MTOR: variants seen among roughly 807,000 people sequenced by gnomAD.
MTOR encodes mechanistic target of rapamycin kinase, also known as serine/threonine-protein kinase mTOR.
MTOR carries 70 observed loss-of-function variants against 319.8 expected under a neutral mutation model. That is an observed-to-expected ratio of 0.22 (90% CI 0.18 to 0.27). MTOR has a LOEUF of 0.27. MTOR is among the 10% of genes least tolerant of loss of function. The pLI, the probability that MTOR is intolerant of heterozygous loss-of-function variation, is 1.00. For missense variants in MTOR, 1,890 were observed against 3,274.4 expected, an observed-to-expected ratio of 0.58 and a Z score of 10.32; for synonymous variants, 1,183 against 1,211.4, an observed-to-expected ratio of 0.98 and a Z score of 0.49.
intron 28 of MTOR, chr1:11,195,901 T>G (rs1043341108): frequency 6.6e-6 from 1 of 152,256 alleles, no homozygotes; most frequent in Admixed American, 6.5e-5. Flanking sequence ...GCATCTCACT[T>G]TGTAAAAATA....
In MTOR at chr1:11,202,076, GAT is replaced by G. The variant is rs1259191653; in HGVS notation, c.3945-2375_3945-2374del. ...CTGTCTCAGCCTCCTAGAGTGCTGA[GAT>G]TATAGGCAGGAGCCACAATGCCCAG... On this transcript the variant is annotated intron_variant, in intron 26 of 57. Transcript: ENST00000361445. Among the ~76,000 whole-genome samples the G allele has an allele frequency of 5.9e-5, 9 of 152,314 alleles. No homozygotes were observed. In the South Asian group the frequency reaches 1.9e-3, roughly 32 times the overall value.
chr1:11,228,252 G>C (rs556275604), intron 19 of MTOR, among the ~76,000 whole-genome samples: 1 of 151,728 alleles, frequency 6.6e-6, no homozygotes, highest in Non-Finnish European at 1.5e-5. Flanking sequence ...ACGGTGGCTC[G>C]ATCTCAGCTC....
chr1:11,114,960 C>G lies in MTOR; in HGVS notation c.7090-73G>C, dbSNP rs1553171241. On this transcript the variant is annotated intron_variant, in intron 51 of 57. Transcript: ENST00000361445. ...ACCTGGAGCCAGGTGGAGCAGGTGG[C>G]TTTCCTCTGCATCACCTGCACTGAT... 79 of 1,305,960 alleles carry G rather than the reference C, an allele frequency of 6.0e-5. No individual in the cohort carries two copies. The South Asian group carries it at 9.0e-4, about 15-fold the overall frequency. 80.9% of individuals were successfully genotyped at this position (1,305,960 alleles called of 1,614,324 possible).
intron 29 of MTOR, among the ~76,000 whole-genome samples, chr1:11,163,444 C>G (rs1188714936): frequency 6.6e-6 from 1 of 152,236 alleles, no homozygotes; most frequent in African/African-American, 2.4e-5. Flanking sequence ...TAATACACAT[C>G]TACAGAACTC....
intron 9 of MTOR, 21 bp from the exon 10 acceptor site, chr1:11,241,702 GC>G: frequency 6.2e-7 from 1 of 1,602,242 alleles, no homozygotes; most frequent in Non-Finnish European, 8.5e-7. Context: ...ATGGAGAGTG[GC>G]TAGTTGAGAC....
Position 11,180,870 on chromosome 1 carries a change from G to A in MTOR, c.4254-13353C>T, listed in dbSNP as rs574284956. ...CGGCTCACTGCAACCTCTACCTCCC[G>A]AGTTCAAGCAATTCTCTGGCCTCAG... is the stretch of plus-strand genomic sequence containing the variant. On this transcript the variant is annotated intron_variant, in intron 28 of 57. Coordinates refer to ENST00000361445, the MANE Select transcript of MTOR (RefSeq NM_004958.4). Among the ~76,000 whole-genome samples the A allele has an allele frequency of 7.9e-5, 12 of 150,962 alleles. No homozygotes were observed. The South Asian group carries it at 1.1e-3, about 13-fold the overall frequency.
At chr1:11,161,313 C>T (rs1369727372) in intron 29 of MTOR, among the ~76,000 whole-genome samples, 1 of 152,218 alleles carries the variant, frequency 6.6e-6, no homozygotes, top group Non-Finnish European at 1.5e-5. Context: ...GAGCCCACCA[C>T]AGCTCAAGGA....
intron 34 of MTOR, among the ~76,000 whole-genome samples, chr1:11,141,758 G>A (rs1053787490): frequency 6.7e-6 from 1 of 149,936 alleles, no homozygotes; most frequent in Non-Finnish European, 1.5e-5. Flanking sequence ...AGGCTGAGGT[G>A]GGGGGATCAC....
rs1029028332 is a variant in MTOR at position 11,108,571 on chromosome 1, A to T, written c.7529-285T>A. ...TTTACTAAAAATACAAAATTAGCCG[A>T]GTGTGGTGGCACATGCCTGTAGTCC... On this transcript the variant is annotated intron_variant, in intron 56 of 57. Transcript: ENST00000361445. Among the ~76,000 whole-genome samples, 3 of 151,590 alleles carry T rather than the reference A, an allele frequency of 2.0e-5. No individual in the cohort carries two copies. The East Asian group carries it at 5.8e-4, about 29-fold the overall frequency.
chr1:11,238,090 C>T (rs1647452765), intron 12 of MTOR, 42 bp from the exon 13 acceptor site: 2 of 1,594,374 alleles, frequency 1.3e-6, no homozygotes, highest in African/African-American at 1.3e-5. Context: ...CTCATGATCC[C>T]ATCACTCCAG....
chr1:11,252,872 G>GT (rs1476401397), intron 6 of MTOR, among the ~76,000 whole-genome samples: 2 of 152,110 alleles, frequency 1.3e-5, no homozygotes, highest in African/African-American at 2.4e-5. Flanking sequence ...CCAGACTACC[G>GT]TAATAGCTTC....
At chr1:11,236,186 G>C (rs1480276795) in intron 13 of MTOR, among the ~76,000 whole-genome samples, 6 of 149,830 alleles carry the variant, frequency 4.0e-5, no homozygotes, top group Admixed American at 1.3e-4. Context: ...ACCCAGGCTG[G>C]AGTGCAGTGG....
Position 11,128,333 on chromosome 1 carries a change from C to T in MTOR, c.5910+121G>A. ...TGGGACGGCTGGCTGGACAGACCCTCCTGGGCCAGGATGGAACACATGGCT... is the reference window on the plus strand; with the variant it reads ...TGGGACGGCTGGCTGGACAGACCCTTCTGGGCCAGGATGGAACACATGGCT... On this transcript the variant is annotated intron_variant, in intron 42 of 57. Coordinates refer to ENST00000361445, the MANE Select transcript of MTOR (RefSeq NM_004958.4). The surrounding 1 kb of genome is among the most constrained non-coding windows in gnomAD (Gnocchi z 5.3). 1.6e-6 allele frequency: 2 copies of T among 1,267,394 alleles called. No individual in the cohort carries two copies. The highest frequency in any genetic ancestry group is 2.2e-6 in the Non-Finnish European group (2 of 895,058). 78.5% of individuals were successfully genotyped at this position (1,267,394 alleles called of 1,614,324 possible). A position where few individuals can be genotyped will look rare whatever the true frequency, so the allele number is the denominator to read the frequency against.
chr1:11,250,069 C>T lies in MTOR; in HGVS notation c.841-1975G>A, dbSNP rs561133783. 1.9e-3 allele frequency among the ~76,000 whole-genome samples: 285 copies of T among 146,658 alleles called. 3 individuals carry two copies. Among genetic ancestry groups the T allele is most frequent in the African/African-American group, 6.9e-3 (276 of 40,234 alleles). On this transcript the variant is annotated intron_variant, in intron 6 of 57. Coordinates refer to ENST00000361445, the MANE Select transcript of MTOR (RefSeq NM_004958.4). The stretch of plus-strand genomic sequence containing the variant: ...GGGGCTGACCCCCACACCTCCCTCC[C>T]GGACGGGGCGGCTGGCCGGGCAGAG...
In MTOR at chr1:11,228,658, A is replaced by T. The variant is rs2100854027; in HGVS notation, c.3030+10T>A. The stretch of plus-strand genomic sequence containing the variant: ...GGAGAAAGAGAAGGATTGGGGTTTG[A>T]GGTACTTACTTCCCGGATGGCCCCA... On this transcript the variant is annotated intron_variant, in intron 19 of 57. Transcript: ENST00000361445. 1 of 1,612,878 alleles carries T rather than the reference A, an allele frequency of 6.2e-7. No homozygotes were observed. The highest frequency in any genetic ancestry group is 8.5e-7 in the Non-Finnish European group (1 of 1,179,400).
At position 11,247,879 on chromosome 1, in the gene MTOR, A is replaced by G; in HGVS notation, c.1056T>C (p.Ala352=). 1 of 1,614,194 alleles carries G rather than the reference A, an allele frequency of 6.2e-7. No individual in the cohort carries two copies. The highest frequency in any genetic ancestry group is 8.5e-7 in the Non-Finnish European group (1 of 1,180,036). The part of the protein sequence containing the change: ...LMGFGTSPSP[A]KSTLVESRCC... ...ACCGGCTCTCCACCAGGGTGGACTT[A>G]GCTGGACTGGGGGAGGTCCCAAATC... The change falls in exon 7 of 58, where the codon GCT becomes GCC. Residue 352 remains alanine, a synonymous_variant. Transcript: ENST00000361445.
chr1:11,213,779 G>A (rs569438146), intron 20 of MTOR, among the ~76,000 whole-genome samples: 3 of 152,202 alleles, frequency 2.0e-5, no homozygotes, highest in South Asian at 4.2e-4. Context: ...GATGCACCAG[G>A]CTACCTCAGT....
rs764065027 is a variant in MTOR at position 11,128,500 on chromosome 1, C to T, written c.5864G>A (p.Arg1955His). Residue 1955 changes from arginine to histidine, a missense_variant, in exon 42 of 58, where the codon CGT becomes CAT. Physicochemically the swap from Arg to His is conservative, Grantham distance 29. This residue lies in a region of MTOR where 249 missense variants were observed against 596.2 expected (regional missense o/e 0.42). Coordinates refer to ENST00000361445, the MANE Select transcript of MTOR (RefSeq NM_004958.4). This position sits in a 1 kb window ranked among gnomAD's most constrained non-coding sequence, Gnocchi z 5.3. ...GTCTGTGAGAAGCTGGTGAATGAGA[C>T]GTCCCACCAAGGGTCTGGGCGTATC... The part of the protein sequence containing the change: ...RIDTPRPLVG[R>H]LIHQLLTDIG... 9 of 1,614,068 alleles carry T rather than the reference C, an allele frequency of 5.6e-6. No homozygotes were observed. Among genetic ancestry groups the T allele is most frequent in the South Asian group, 3.3e-5 (3 of 91,092 alleles).
In MTOR at chr1:11,107,281, G is replaced by A; in HGVS notation, c.*204C>T. On this transcript the variant is annotated 3_prime_UTR_variant, in exon 58 of 58. Coordinates refer to ENST00000361445, the MANE Select transcript of MTOR (RefSeq NM_004958.4). ...TTCACTGTCCTGGGAACCAAATCAA[G>A]CCTTGTGTTTCTGACAATATATTCT... The A allele has an allele frequency of 1.4e-6, 2 of 1,449,450 alleles. No homozygotes were observed. Among genetic ancestry groups the A allele is most frequent in the Middle Eastern group, 1.9e-4 (1 of 5,390 alleles). 89.8% of individuals were successfully genotyped at this position (1,449,450 alleles called of 1,614,324 possible).
Sources: allele counts gnomAD v4.1 joint callset (sites outside exome capture counted in the v4.1 genomes callset), GRCh38; gene constraint gnomAD v4.1.1; regional missense constraint gnomAD v4.1.1; non-coding constraint Gnocchi (gnomAD v3.1); transcripts MANE v1.5; gene names NCBI Gene and HGNC (gene_info 2026-07-23, HGNC 2026-07-21).